FDCSP: variants seen among roughly 807,000 people sequenced by gnomAD.
The protein encoded by FDCSP is follicular dendritic cell secreted peptide.
In FDCSP, 8 loss-of-function variants were observed where a neutral mutation model predicts 8.9. The observed-to-expected ratio is 0.90, with a 90% CI of 0.53 to 1.63. The LOEUF is 1.63. Among genes scored for constraint, FDCSP ranks in the 40% most tolerant of loss-of-function variants. The probability of loss-of-function intolerance (pLI) is 0.00; values close to 1 mark genes in which losing one functional copy is unlikely to be tolerated. For missense variants in FDCSP, 101 were observed against 103.6 expected (o/e 0.98, Z 0.11); for synonymous variants, 34 against 34.5 (o/e 0.98, Z 0.06).
chr4:70,226,312 T>C (rs554015499), intron 1 of FDCSP, 130 bp downstream of exon 1: 2 of 152,130 alleles, frequency 1.3e-5, no homozygotes, highest in South Asian at 4.1e-4. Context: ...TAAATTGTAA[T>C]GGTTGCTTGA....
intron 1 of FDCSP, among the ~76,000 whole-genome samples, chr4:70,227,899 T>G (rs550024527): frequency 3.9e-5 from 6 of 151,974 alleles, no homozygotes; most frequent in Admixed American, 3.3e-4. Flanking sequence ...TATCTCAGTC[T>G]TCACTGAGTC....
chr4:70,233,887 A>G (rs962006593), intron 3 of FDCSP, 133 bp from the exon 4 acceptor site: 1 of 760,588 alleles, frequency 1.3e-6, no homozygotes, highest in South Asian at 2.1e-5. Context: ...GTACACACAG[A>G]AAGGATAAAG....
chr4:70,229,448 G>A (rs149281738), intron 1 of FDCSP, among the ~76,000 whole-genome samples: 2 of 151,620 alleles, frequency 1.3e-5, no homozygotes, highest in African/African-American at 2.4e-5. Context: ...CTTTTCCTTC[G>A]CATTCACAAC....
chr4:70,234,268 C>A, intron 4 of FDCSP, 53 bp downstream of exon 4: 1 of 1,404,722 alleles, frequency 7.1e-7, no homozygotes, highest in Non-Finnish European at 9.6e-7. Flanking sequence ...AGATTGGAAT[C>A]CATAATTTCA....
At chr4:70,231,551 C>T (rs775676595) in intron 2 of FDCSP, among the ~76,000 whole-genome samples, 2 of 151,602 alleles carry the variant, frequency 1.3e-5, no homozygotes, top group Non-Finnish European at 3.0e-5. Context: ...ATGCATTAGT[C>T]ATGTGTTCAT....
chr4:70,228,866 C>T (rs535230988), intron 1 of FDCSP, among the ~76,000 whole-genome samples: 7 of 151,854 alleles, frequency 4.6e-5, no homozygotes, highest in Non-Finnish European at 1.0e-4. Context: ...GCCATCCAGG[C>T]TTTGTTGTTC....
At chr4:70,231,128 CT>C in intron 1 of FDCSP, 66 bp from the exon 2 acceptor site, 1 of 1,286,728 alleles carries the variant, frequency 7.8e-7, no homozygotes, top group East Asian at 2.5e-5. Context: ...GGTCTTTTAG[CT>C]GACTTCTAGG....
At chr4:70,226,218 T>A (rs978734310) in intron 1 of FDCSP, 36 bp downstream of exon 1, 1 of 151,954 alleles carries the variant, frequency 6.6e-6, no homozygotes, top group Non-Finnish European at 1.5e-5. Context: ...TAAACTAAGA[T>A]TGTATATCTA....
intron 4 of FDCSP, 61 bp downstream of exon 4, chr4:70,234,276 T>C: frequency 7.3e-7 from 1 of 1,369,552 alleles, no homozygotes; most frequent in Non-Finnish European, 9.9e-7. Context: ...ATCCATAATT[T>C]CAAGGAAAAA....
At chr4:70,232,337 C>T (rs1194298807) in intron 2 of FDCSP, among the ~76,000 whole-genome samples, 1 of 151,498 alleles carries the variant, frequency 6.6e-6, no homozygotes. Context: ...TTTTACTGTA[C>T]CTTTTCTATG....
chr4:70,228,024 A>G (rs1229850030), intron 1 of FDCSP, among the ~76,000 whole-genome samples: 2 of 151,720 alleles, frequency 1.3e-5, no homozygotes, highest in Non-Finnish European at 2.9e-5. Context: ...TAAGTCAACA[A>G]TGAAGTTTGA....
chr4:70,234,337 A>C, intron 4 of FDCSP, 122 bp downstream of exon 4: 1 of 771,996 alleles, frequency 1.3e-6, no homozygotes, highest in African/African-American at 1.8e-5. Flanking sequence ...TGTTTGTTTT[A>C]ATGTTTTTCT....
At chr4:70,231,432 C>A (rs536435591) in intron 2 of FDCSP, among the ~76,000 whole-genome samples, 181 bp downstream of exon 2, 2 of 151,670 alleles carry the variant, frequency 1.3e-5, no homozygotes, top group Non-Finnish European at 3.0e-5. Flanking sequence ...ATCACTTGAG[C>A]CCACAAGTTC....
intron 1 of FDCSP, among the ~76,000 whole-genome samples, chr4:70,227,517 T>C (rs1730007499): frequency 6.6e-6 from 1 of 151,470 alleles, no homozygotes; most frequent in Non-Finnish European, 1.5e-5. Flanking sequence ...CAAAGGTACT[T>C]CAAAATGATA....
At chr4:70,229,107 C>A (rs1175798465) in intron 1 of FDCSP, among the ~76,000 whole-genome samples, 4 of 151,730 alleles carry the variant, frequency 2.6e-5, no homozygotes, top group African/African-American at 7.2e-5. Context: ...CAATAAAAAT[C>A]TATTATTTAT....
intron 1 of FDCSP, among the ~76,000 whole-genome samples, chr4:70,229,835 T>C (rs1472169660): frequency 6.6e-6 from 1 of 151,672 alleles, no homozygotes; most frequent in African/African-American, 2.4e-5. Context: ...TATAATAAAA[T>C]ATTATTACAT....
intron 1 of FDCSP, among the ~76,000 whole-genome samples, chr4:70,230,575 AGT>A (rs780787003): frequency 1.3e-5 from 2 of 151,856 alleles, no homozygotes; most frequent in Non-Finnish European, 2.9e-5. Context: ...AAAACTTGAA[AGT>A]CAAAATTACT....
chr4:70,233,875 T>C, intron 3 of FDCSP, 145 bp from the exon 4 acceptor site: 1 of 665,328 alleles, frequency 1.5e-6, no homozygotes, highest in Admixed American at 2.8e-5. Context: ...TCCCTGTCCA[T>C]AGTACACACA....
At chr4:70,228,653 T>C (rs1461835178) in intron 1 of FDCSP, among the ~76,000 whole-genome samples, 1 of 151,864 alleles carries the variant, frequency 6.6e-6, no homozygotes, top group Non-Finnish European at 1.5e-5. Flanking sequence ...AACCTGAAAG[T>C]CAAATTTACT....
Sources: allele counts gnomAD v4.1 joint callset (sites outside exome capture counted in the v4.1 genomes callset), GRCh38; gene constraint gnomAD v4.1.1; transcripts MANE v1.5; gene names NCBI Gene and HGNC (gene_info 2026-07-23, HGNC 2026-07-21).